Variants in UBL3 observed in about 807,000 individuals in gnomAD.
UBL3 encodes ubiquitin-like protein 3.
A neutral mutation model predicts 18.4 loss-of-function variants in UBL3; 6 were observed. The observed-to-expected ratio is 0.33, with a 90% confidence interval of 0.18 to 0.64. The LOEUF (loss-of-function observed/expected upper bound fraction) is 0.64, where lower values mean the gene tolerates loss of function less well. Ranked by LOEUF, UBL3 falls within the 30% of genes least tolerant of loss-of-function variation. The probability of loss-of-function intolerance (pLI) is 0.76; values close to 1 mark genes in which losing one functional copy is unlikely to be tolerated. For synonymous variants in UBL3, 49 were observed against 46.6 expected (o/e 1.05, Z -0.21); for missense variants, 109 against 142.9 (o/e 0.76, Z 1.21).
intron 1 of UBL3, among the ~76,000 whole-genome samples, chr13:29,814,101 T>G (rs1290009673): frequency 6.6e-6 from 1 of 152,172 alleles, no homozygotes; most frequent in Admixed American, 6.6e-5. Context: ...GAAGAAACAG[T>G]AGTTTTAGGT....
intron 1 of UBL3, among the ~76,000 whole-genome samples, chr13:29,848,314 A>T (rs278038): frequency 7.1e-6 from 1 of 140,776 alleles, no homozygotes; most frequent in Non-Finnish European, 1.5e-5. Context: ...AAAATTAGCC[A>T]GGTGTGGTGG....
chr13:29,782,868 C>A (rs1356027650), intron 1 of UBL3, among the ~76,000 whole-genome samples: 1 of 152,158 alleles, frequency 6.6e-6, no homozygotes, highest in Non-Finnish European at 1.5e-5. Context: ...TTGAAAAGAG[C>A]AACAATAAAC....
chr13:29,846,858 G>A (rs1424407249), intron 1 of UBL3, among the ~76,000 whole-genome samples: 2 of 152,188 alleles, frequency 1.3e-5, no homozygotes, highest in Non-Finnish European at 2.9e-5. Flanking sequence ...CTAGGAGAAA[G>A]CTTAACATTT....
At chr13:29,791,647 A>G (rs1467152177) in intron 1 of UBL3, among the ~76,000 whole-genome samples, 1 of 152,174 alleles carries the variant, frequency 6.6e-6, no homozygotes, top group Non-Finnish European at 1.5e-5. Context: ...TCAAACCTAC[A>G]CTACTCCTTC....
At chr13:29,814,256 C>T (rs1030032441) in intron 1 of UBL3, among the ~76,000 whole-genome samples, 4 of 152,014 alleles carry the variant, frequency 2.6e-5, no homozygotes, top group Non-Finnish European at 5.9e-5. Context: ...GGTCTTTCAG[C>T]AGTTACAAAT....
chr13:29,837,186 A>G (rs1302748298), intron 1 of UBL3, among the ~76,000 whole-genome samples: 1 of 152,252 alleles, frequency 6.6e-6, no homozygotes, highest in Admixed American at 6.5e-5. Flanking sequence ...TGTTAATAAA[A>G]CATTGCCAGG....
chr13:29,801,018 T>C (rs975858435), intron 1 of UBL3, among the ~76,000 whole-genome samples: 2 of 152,098 alleles, frequency 1.3e-5, no homozygotes, highest in African/African-American at 4.8e-5. Context: ...CCCCAGCACA[T>C]CCACCCTGCC....
chr13:29,828,948 C>T (rs998714792), intron 1 of UBL3, among the ~76,000 whole-genome samples: 1 of 152,140 alleles, frequency 6.6e-6, no homozygotes, highest in Admixed American at 6.5e-5. Flanking sequence ...CACTCCAGAC[C>T]CTGTTTGCCT....
At chr13:29,835,127 T>A (rs1218985004) in intron 1 of UBL3, among the ~76,000 whole-genome samples, 30 of 3,322 alleles carry the variant, frequency 9.0e-3, no homozygotes, top group African/African-American at 0.022. Flanking sequence ...TATATATAAA[T>A]ATATATATAT....
At chr13:29,794,449 G>A (rs1203345673) in intron 1 of UBL3, among the ~76,000 whole-genome samples, 2 of 152,030 alleles carry the variant, frequency 1.3e-5, no homozygotes, top group African/African-American at 4.8e-5. Context: ...AAGTACCCAG[G>A]TATAGGTTAA....
At chr13:29,823,967 C>T (rs1342784702) in intron 1 of UBL3, among the ~76,000 whole-genome samples, 3 of 149,186 alleles carry the variant, frequency 2.0e-5, no homozygotes, top group Admixed American at 1.4e-4. Flanking sequence ...GTTTGGTTTT[C>T]TGTCCTTGCG....
At chr13:29,780,406 G>GTA (rs1167363105) in intron 1 of UBL3, among the ~76,000 whole-genome samples, 9 of 133,924 alleles carry the variant, frequency 6.7e-5, no homozygotes, top group South Asian at 2.4e-4. Context: ...GTGTGTGTGT[G>GTA]TATATATATA....
intron 1 of UBL3, among the ~76,000 whole-genome samples, chr13:29,797,999 GT>G (rs74542319): frequency 0.15 from 21,264 of 146,568 alleles, 1,613 homozygotes; most frequent in Non-Finnish European, 0.18. Context: ...TCACAATGTA[GT>G]TTTTTTTTTT....
chr13:29,840,189 A>G (rs1879063122), intron 1 of UBL3, among the ~76,000 whole-genome samples: 1 of 152,150 alleles, frequency 6.6e-6, no homozygotes, highest in South Asian at 2.1e-4. Context: ...TACAAATACC[A>G]AAACAATTAT....
intron 1 of UBL3, among the ~76,000 whole-genome samples, chr13:29,814,866 T>C (rs1225521750): frequency 6.6e-6 from 1 of 152,202 alleles, no homozygotes; most frequent in Admixed American, 6.5e-5. Flanking sequence ...AGAAAAATCA[T>C]GCAATAAGAT....
intron 2 of UBL3, among the ~76,000 whole-genome samples, chr13:29,774,762 T>C (rs1221680593): frequency 1.4e-5 from 2 of 146,038 alleles, no homozygotes; most frequent in African/African-American, 5.0e-5. Context: ...TTAAATTGTA[T>C]TTTTTTTTTT....
At chr13:29,829,798 A>T (rs1248032999) in intron 1 of UBL3, among the ~76,000 whole-genome samples, 1 of 152,216 alleles carries the variant, frequency 6.6e-6, no homozygotes, top group Non-Finnish European at 1.5e-5. Context: ...GGAGCTGTAG[A>T]CTGGTGCTGT....
chr13:29,767,116 A>C lies in UBL3; in HGVS notation c.*139T>G, dbSNP rs1011618992. The C allele has an allele frequency of 1.5e-6, 1 of 688,018 alleles. No individual in the cohort carries two copies. Among genetic ancestry groups the C allele is most frequent in the African/African-American group, 1.9e-5 (1 of 53,972 alleles). The allele number at this position is 688,018 out of a possible 1,614,324, so 42.6% of individuals were successfully genotyped here. On this transcript the variant is annotated 3_prime_UTR_variant, in exon 5 of 5. Transcript: ENST00000380680. ...CTTTTTACTTTCATGAGAAAAGATG[A>C]CAGTGTTCATGTGGTAATTCAGTTC...
intron 1 of UBL3, among the ~76,000 whole-genome samples, chr13:29,821,956 T>G (rs1457971135): frequency 6.6e-6 from 1 of 152,172 alleles, no homozygotes; most frequent in Non-Finnish European, 1.5e-5. Context: ...TTAAATTACC[T>G]GAATTAGAAG....
Sources: gnomAD v4.1 joint callset for allele counts (sites outside exome capture counted in the v4.1 genomes callset) on GRCh38, gnomAD v4.1.1 for gene constraint, MANE v1.5 for transcripts, NCBI Gene and HGNC (gene_info 2026-07-23, HGNC 2026-07-21) for gene names.